Variants in ITPR1 observed in about 807,000 individuals in gnomAD.
The protein encoded by ITPR1 is inositol 1,4,5-trisphosphate receptor type 1, also known as inositol 1,4,5-trisphosphate-gated calcium channel ITPR1.
Under a neutral mutation model 318.4 loss-of-function variants are expected in ITPR1, and 96 were observed. The observed-to-expected ratio is 0.30, with a 90% CI of 0.26 to 0.36. The LOEUF (loss-of-function observed/expected upper bound fraction) is 0.36, where lower values mean the gene tolerates loss of function less well. Ranked by LOEUF, ITPR1 falls within the 10% of genes least tolerant of loss-of-function variation. The pLI, the probability that ITPR1 is intolerant of heterozygous loss-of-function variation, is 1.00. For synonymous variants in ITPR1, 1,312 were observed against 1,289.9 expected, an observed-to-expected ratio of 1.02 and a Z score of -0.37; for missense variants, 2,440 against 3,460.2, an observed-to-expected ratio of 0.71 and a Z score of 7.40.
At chr3:4,582,420 C>T (rs1030791817) in intron 4 of ITPR1, among the ~76,000 whole-genome samples, 1 of 152,092 alleles carries the variant, frequency 6.6e-6, no homozygotes, top group Non-Finnish European at 1.5e-5. Context: ...TGTGAAGGGA[C>T]GGATGGTCAC....
chr3:4,804,180 A>G (rs1423706685), intron 54 of ITPR1, among the ~76,000 whole-genome samples: 1 of 152,098 alleles, frequency 6.6e-6, no homozygotes, highest in African/African-American at 2.4e-5. Flanking sequence ...CCTAGAGTGA[A>G]TTTTAAAAGA....
intron 36 of ITPR1, 122 bp from the exon 37 acceptor site, chr3:4,706,045 C>G (rs1574945864): frequency 3.2e-6 from 3 of 929,122 alleles, no homozygotes; most frequent in African/African-American, 1.6e-5. Flanking sequence ...AGCTCAATAC[C>G]AGGCAAGCTG....
At chr3:4,727,261 C>A in intron 42 of ITPR1, 88 bp downstream of exon 42, 1 of 939,586 alleles carries the variant, frequency 1.1e-6, no homozygotes, top group Non-Finnish European at 1.6e-6. Context: ...TGAGAGACAG[C>A]TTTTGTTGTT....
At chr3:4,789,375 G>T (rs73004812) in intron 52 of ITPR1, among the ~76,000 whole-genome samples, 2 of 152,122 alleles carry the variant, frequency 1.3e-5, no homozygotes, top group Non-Finnish European at 2.9e-5. Context: ...AAAGACTCTT[G>T]CAGCTCCAGG....
intron 4 of ITPR1, among the ~76,000 whole-genome samples, chr3:4,540,868 G>A (rs932886318): frequency 2.0e-5 from 3 of 152,112 alleles, no homozygotes; most frequent in Non-Finnish European, 2.9e-5. Context: ...GAGACACCAC[G>A]CCTAGCTGTG....
chr3:4,616,624 G>A (rs2092399892), intron 4 of ITPR1, among the ~76,000 whole-genome samples: 1 of 152,204 alleles, frequency 6.6e-6, no homozygotes, highest in South Asian at 2.1e-4. Flanking sequence ...AACAATGGTA[G>A]CTCGTGGATT....
At chr3:4,648,846 A>T (rs1447638242) in intron 10 of ITPR1, among the ~76,000 whole-genome samples, 1 of 152,196 alleles carries the variant, frequency 6.6e-6, no homozygotes, top group East Asian at 1.9e-4. Flanking sequence ...TACTGTACAT[A>T]TGCTTACTCT....
chr3:4,644,065 G>A (rs4481148), intron 7 of ITPR1, 71 bp from the exon 8 acceptor site: 4 of 969,518 alleles, frequency 4.1e-6, no homozygotes, highest in Non-Finnish European at 4.9e-6. Context: ...ATGTCTTCTA[G>A]AACTGCCCAG....
intron 21 of ITPR1, among the ~76,000 whole-genome samples, chr3:4,673,862 G>C (rs560749973): frequency 6.6e-6 from 1 of 152,162 alleles, no homozygotes; most frequent in Non-Finnish European, 1.5e-5. Flanking sequence ...GATTACAGGC[G>C]TGAGCCACCG....
At chr3:4,524,315 T>G (rs1217465927) in intron 4 of ITPR1, among the ~76,000 whole-genome samples, 5 of 150,578 alleles carry the variant, frequency 3.3e-5, no homozygotes, top group South Asian at 2.1e-4. Context: ...TTTTTTTTTT[T>G]TTTTTTTTTT....
Position 4,846,399 on chromosome 3 carries a change from G to A in ITPR1, c.*174G>A, listed in dbSNP as rs1372727632. 4.9e-6 allele frequency: 2 copies of A among 404,884 alleles called. No individual in the cohort carries two copies. Among genetic ancestry groups the A allele is most frequent in the Non-Finnish European group, 8.7e-6 (2 of 229,092 alleles). The allele number at this position is 404,884 out of a possible 1,614,324, so 25.1% of individuals were successfully genotyped here. A position where few individuals can be genotyped will look rare whatever the true frequency, so the allele number is the denominator to read the frequency against. ...CTCTAAAGGTTTGGATATATGTATT[G>A]TAATTAGAATTGTTGGCATGATGAC... is the stretch of plus-strand genomic sequence containing the variant. On this transcript the variant is annotated 3_prime_UTR_variant, in exon 62 of 62. Coordinates refer to ENST00000649015, the MANE Select transcript of ITPR1 (RefSeq NM_001378452.1).
In ITPR1 at chr3:4,815,233, C is replaced by T. The variant is rs757698254; in HGVS notation, c.7867+15C>T. ...CTTTATCTGTGGTGAGTGTCGCTGG[C>T]CAGCTCCAGCAAGGGCGTGAAGGCC... On this transcript the variant is annotated intron_variant, in intron 59 of 61. Coordinates refer to ENST00000649015, the MANE Select transcript of ITPR1 (RefSeq NM_001378452.1). 1.2e-6 allele frequency: 2 copies of T among 1,612,644 alleles called. No individual in the cohort carries two copies. Among genetic ancestry groups the T allele is most frequent in the East Asian group, 2.2e-5 (1 of 44,866 alleles).
chr3:4,821,356 A>C (rs1423771942), intron 60 of ITPR1, among the ~76,000 whole-genome samples: 2 of 152,242 alleles, frequency 1.3e-5, no homozygotes, highest in Non-Finnish European at 2.9e-5. Flanking sequence ...GACAGCTGCC[A>C]AAAGGCAACC....
intron 59 of ITPR1, among the ~76,000 whole-genome samples, chr3:4,815,568 G>T (rs115082342): frequency 1.3e-5 from 2 of 152,058 alleles, no homozygotes; most frequent in South Asian, 4.2e-4. Context: ...GAGAGACAGC[G>T]TATGTAACAC....
chr3:4,718,989 G>A (rs1199270680), intron 40 of ITPR1, among the ~76,000 whole-genome samples: 2 of 152,132 alleles, frequency 1.3e-5, no homozygotes, highest in African/African-American at 4.8e-5. Flanking sequence ...AATGAAGTCG[G>A]GAAAGGAAAA....
chr3:4,663,268 A>C, intron 16 of ITPR1, 62 bp downstream of exon 16: 1 of 1,454,070 alleles, frequency 6.9e-7, no homozygotes, highest in Non-Finnish European at 9.4e-7. Context: ...CATGAGTGGT[A>C]GCTCATGCCT....
intron 4 of ITPR1, among the ~76,000 whole-genome samples, chr3:4,577,386 T>C (rs2088800117): frequency 1.3e-5 from 2 of 152,234 alleles, no homozygotes; most frequent in Admixed American, 6.5e-5. Context: ...TCTGTAGGTC[T>C]AGAATAAAAA....
At chr3:4,824,610 C>G (rs1393047298) in intron 60 of ITPR1, among the ~76,000 whole-genome samples, 1 of 152,092 alleles carries the variant, frequency 6.6e-6, no homozygotes, top group East Asian at 1.9e-4. Context: ...CCAGCCCCGA[C>G]CCCGAGTGAT....
intron 4 of ITPR1, among the ~76,000 whole-genome samples, chr3:4,563,798 G>A (rs1230857299): frequency 1.3e-5 from 2 of 152,100 alleles, no homozygotes; most frequent in Non-Finnish European, 2.9e-5. Context: ...GTTCATGGTT[G>A]TTTATTAAAC....
Sources: allele counts gnomAD v4.1 joint callset (sites outside exome capture counted in the v4.1 genomes callset), GRCh38; gene constraint gnomAD v4.1.1; transcripts MANE v1.5; gene names NCBI Gene and HGNC (gene_info 2026-07-23, HGNC 2026-07-21).